FKBP9: variants seen among roughly 807,000 people sequenced by gnomAD.
The protein encoded by FKBP9 is FKBP prolyl isomerase 9.
FKBP9 carries 27 observed loss-of-function variants against 55.6 expected under a neutral mutation model. The observed-to-expected ratio is 0.49, with a 90% CI of 0.36 to 0.67. FKBP9 has a LOEUF of 0.67. FKBP9 is among the 30% of genes least tolerant of loss of function. The pLI is 0.00. For synonymous variants in FKBP9, 267 were observed against 296.5 expected (o/e 0.90, Z 1.02); for missense variants, 539 against 742.8 (o/e 0.73, Z 3.19).
chr7:32,978,502 C>T lies in FKBP9; in HGVS notation c.704-1862C>T, dbSNP rs370488361. Among the ~76,000 whole-genome samples, 59 of 152,200 alleles carry T rather than the reference C, an allele frequency of 3.9e-4. No individual in the cohort carries two copies. The South Asian group carries it at 0.011, about 28-fold the overall frequency. On this transcript the variant is annotated intron_variant, in intron 4 of 9. Transcript: ENST00000242209. ...CCTTCCGAATAGTTAGGAGTACAGACGTGTGCCACCATGCTTGGCTAGTTA... is the reference window on the plus strand; with the variant it reads ...CCTTCCGAATAGTTAGGAGTACAGATGTGTGCCACCATGCTTGGCTAGTTA...
intron 1 of FKBP9, among the ~76,000 whole-genome samples, chr7:32,966,891 G>A (rs1784156202): frequency 6.6e-6 from 1 of 152,156 alleles, no homozygotes; most frequent in Admixed American, 6.5e-5. Context: ...ATGGCGCTAA[G>A]CCCTCCCACC....
intron 5 of FKBP9, among the ~76,000 whole-genome samples, chr7:32,983,273 T>A (rs1362898700): frequency 6.6e-6 from 1 of 151,372 alleles, no homozygotes; most frequent in South Asian, 2.1e-4. Flanking sequence ...ATCTGCCTGC[T>A]TCGGCCTCCC....
At chr7:32,988,336 T>C (rs532761472) in intron 5 of FKBP9, among the ~76,000 whole-genome samples, 171 bp from the exon 6 acceptor site, 1 of 152,302 alleles carries the variant, frequency 6.6e-6, no homozygotes, top group African/African-American at 2.4e-5. Flanking sequence ...GGGTTCTTAT[T>C]TACCCTTCCA....
chr7:32,993,662 T>C (rs1784728574), intron 6 of FKBP9, among the ~76,000 whole-genome samples: 1 of 152,134 alleles, frequency 6.6e-6, no homozygotes, highest in African/African-American at 2.4e-5. Context: ...CTGTCTCTAC[T>C]AAAAACACAA....
At chr7:33,000,084 C>A (rs1048244137) in intron 7 of FKBP9, 31 bp from the exon 8 acceptor site, 24 of 1,613,888 alleles carry the variant, frequency 1.5e-5, no homozygotes, top group Non-Finnish European at 2.0e-5. Context: ...GGGTTGGTGA[C>A]CTAACATGAG....
At chr7:32,963,756 C>T in intron 1 of FKBP9, 4 of 1,283,446 alleles carry the variant, frequency 3.1e-6, no homozygotes, top group Non-Finnish European at 3.9e-6. Flanking sequence ...TTCTCTCCCA[C>T]TAGAAAAAGA....
chr7:32,957,688 G>T lies in FKBP9; in HGVS notation c.115G>T (p.Glu39Ter). 1 of 1,532,358 alleles carries T rather than the reference G, an allele frequency of 6.5e-7. No homozygotes were observed. 94.9% of individuals were successfully genotyped at this position (1,532,358 alleles called of 1,614,324 possible). A position where few individuals can be genotyped will look rare whatever the true frequency, so the allele number is the denominator to read the frequency against. ...GGGCTCCGACGCGGAGCTGCAGATC[G>T]AGCGGCGCTTCGTGCCCGACGAGTG... is the stretch of plus-strand genomic sequence containing the variant. ...GLGSDAELQI[E>*]RRFVPDECPR... The change falls in exon 1 of 10, where the codon GAG (glutamate) becomes TAG (stop). Residue 39 changes from glutamate to a stop codon, truncating the protein, a stop_gained. Coordinates refer to ENST00000242209, the MANE Select transcript of FKBP9 (RefSeq NM_007270.5). LOFTEE classifies it high-confidence loss of function.
intron 5 of FKBP9, among the ~76,000 whole-genome samples, chr7:32,987,922 G>A (rs542293248): frequency 1.3e-4 from 20 of 152,246 alleles, no homozygotes; most frequent in African/African-American, 4.8e-4. Context: ...GCTCATACCT[G>A]TCAACCCAGC....
At chr7:32,964,402 T>G (rs968498991) in intron 1 of FKBP9, among the ~76,000 whole-genome samples, 3 of 152,278 alleles carry the variant, frequency 2.0e-5, no homozygotes, top group African/African-American at 7.2e-5. Context: ...TTTTAATTTG[T>G]GCAGTTGCTT....
intron 1 of FKBP9, among the ~76,000 whole-genome samples, chr7:32,964,342 T>C (rs1021498987): frequency 2.6e-5 from 4 of 152,264 alleles, no homozygotes; most frequent in Admixed American, 2.6e-4. Flanking sequence ...TATGGTATTT[T>C]ACTGGGCTAA....
chr7:32,978,215 C>G (rs1472475960), intron 4 of FKBP9, among the ~76,000 whole-genome samples: 1 of 151,670 alleles, frequency 6.6e-6, no homozygotes, highest in Non-Finnish European at 1.5e-5. Flanking sequence ...AACCACTGTG[C>G]CTGGCCCACT....
chr7:33,001,169 T>C (rs1368013709), intron 8 of FKBP9, among the ~76,000 whole-genome samples: 5 of 152,154 alleles, frequency 3.3e-5, no homozygotes, highest in Non-Finnish European at 7.4e-5. Flanking sequence ...ATAGGCACTG[T>C]GGATTGATAT....
intron 1 of FKBP9, among the ~76,000 whole-genome samples, chr7:32,966,273 T>A (rs1343641483): frequency 6.6e-6 from 1 of 150,836 alleles, no homozygotes; most frequent in Non-Finnish European, 1.5e-5. Flanking sequence ...AGCTTTTGTG[T>A]AGGCAGTTTA....
chr7:32,996,370 G>A, intron 7 of FKBP9, 21 bp downstream of exon 7: 2 of 1,591,790 alleles, frequency 1.3e-6, no homozygotes, highest in African/African-American at 1.3e-5. Context: ...CCAGAATGGT[G>A]TGGGAGTGAG....
intron 6 of FKBP9, among the ~76,000 whole-genome samples, chr7:32,992,435 C>T (rs1362989227): frequency 3.9e-5 from 6 of 152,276 alleles, no homozygotes; most frequent in East Asian, 1.9e-4. Flanking sequence ...GGCTATTGGC[C>T]GCTTTTAAGT....
At chr7:32,993,407 G>T (rs1475066746) in intron 6 of FKBP9, among the ~76,000 whole-genome samples, 1 of 152,058 alleles carries the variant, frequency 6.6e-6, no homozygotes, top group Non-Finnish European at 1.5e-5. Context: ...CTTTCTTTCT[G>T]TCTCTACCAA....
rs755997238 is a variant in FKBP9, at chr7:32,980,585, G to T, written c.893+32G>T. The T allele has an allele frequency of 3.7e-6, 6 of 1,608,700 alleles. No homozygotes were observed. The Admixed American group carries it at 8.4e-5, about 22-fold the overall frequency. ...AAATGATTAAAGTCTTCAATTGCCA[G>T]AACATTGTATTAAATAAAGTCTGCC... On this transcript the variant is annotated intron_variant, in intron 5 of 9. Transcript: ENST00000242209.
At position 32,996,275 on chromosome 7, in the gene FKBP9, G is replaced by A. The variant is rs757571214; in HGVS notation, c.1152G>A (p.Val384=). Residue 384 remains valine, a synonymous_variant, in exon 7 of 10, where the codon GTG becomes GTA. Transcript: ENST00000242209. ...TSHYKPPDCS[V]LSKKGDYLKY... is the part of the protein sequence containing the mutation. ...ACTACAAACCCCCTGACTGCTCAGT[G>A]CTGAGTAAGAAGGGAGATTACCTCA... 3 of 1,613,966 alleles carry A rather than the reference G, an allele frequency of 1.9e-6. No homozygotes were observed. The Admixed American group carries it at 5.0e-5, about 27-fold the overall frequency.
intron 5 of FKBP9, among the ~76,000 whole-genome samples, chr7:32,980,799 A>G (rs1293543753): frequency 2.0e-5 from 3 of 151,510 alleles, no homozygotes; most frequent in Non-Finnish European, 4.4e-5. Flanking sequence ...CAGCTGCATG[A>G]TCGTGGCTTT....
Sources: gnomAD v4.1 joint callset for allele counts (sites outside exome capture counted in the v4.1 genomes callset) on GRCh38, gnomAD v4.1.1 for gene constraint, MANE v1.5 for transcripts, NCBI Gene and HGNC (gene_info 2026-07-23, HGNC 2026-07-21) for gene names.